KMT2D: variants seen among roughly 807,000 people sequenced by gnomAD.
The protein encoded by KMT2D is histone-lysine N-methyltransferase 2D.
In KMT2D, 55 loss-of-function variants were observed where a neutral mutation model predicts 512.7. The observed-to-expected ratio is 0.11, with a 90% confidence interval of 0.09 to 0.13. The LOEUF is 0.13. Among genes scored for constraint, KMT2D ranks in the 10% least tolerant of loss-of-function variants. The probability of loss-of-function intolerance (pLI) is 1.00; values close to 1 mark genes in which losing one functional copy is unlikely to be tolerated. For missense variants in KMT2D, 6,061 were observed against 7,127.9 expected, an observed-to-expected ratio of 0.85 and a Z score of 5.39; for synonymous variants, 2,995 against 2,904.0, an observed-to-expected ratio of 1.03 and a Z score of -1.01.
chr12:49,046,905 G>A lies in KMT2D; in HGVS notation c.4237-115C>T. The A allele has an allele frequency of 1.1e-6, 1 of 912,026 alleles. No individual in the cohort carries two copies. The highest frequency in any genetic ancestry group is 2.7e-5 in the East Asian group (1 of 37,044). The allele number at this position is 912,026 out of a possible 1,614,324, so 56.5% of individuals were successfully genotyped here. ...TTGTTCCCCAGGCTGGAGTGCAATG[G>A]CGCGATCTCGGCTCACTGCAACCTC... On this transcript the variant is annotated intron_variant, in intron 15 of 54. Coordinates refer to ENST00000301067, the MANE Select transcript of KMT2D (RefSeq NM_003482.4). This position sits in a 1 kb window ranked among gnomAD's most constrained non-coding sequence, Gnocchi z 4.2.
In KMT2D at chr12:49,056,606, G is replaced by T. The variant is rs573879658; in HGVS notation, c.-37-1245C>A. ...GTATACAGTGTTCCTAGAGAAAGTG[G>T]TGGTGAGGTGGGGGAAATCCCTAAA... On this transcript the variant is annotated intron_variant, in intron 1 of 54. Coordinates refer to ENST00000301067, the MANE Select transcript of KMT2D (RefSeq NM_003482.4). Among the ~76,000 whole-genome samples, 8 of 152,306 alleles carry T rather than the reference G, an allele frequency of 5.3e-5. No homozygotes were observed. The South Asian group carries it at 1.7e-3, about 32-fold the overall frequency.
chr12:49,040,372 C>G lies in KMT2D; in HGVS notation c.7398G>C (p.Leu2466Phe), dbSNP rs2120528034. The change falls in exon 32 of 55, where the codon TTG becomes TTC. Residue 2466 changes from leucine to phenylalanine, a missense_variant. Around this residue, in one of 16 missense-constraint regions of KMT2D, gnomAD observed 710 missense variants for 647.3 expected, o/e 1.10. Coordinates refer to ENST00000301067, the MANE Select transcript of KMT2D (RefSeq NM_003482.4). ...RPQSRDPFAP[L>F]HKPPRPQPPE... is the part of the protein sequence containing the mutation. The stretch of plus-strand genomic sequence containing the variant: ...GGGGCTGGGGTCGGGGTGGCTTATG[C>G]AATGGGGCAAATGGGTCACGGGACT... The G allele has an allele frequency of 6.4e-7, 1 of 1,565,494 alleles. No individual in the cohort carries two copies. Among genetic ancestry groups the G allele is most frequent in the South Asian group, 1.2e-5 (1 of 83,226 alleles).
In KMT2D at chr12:49,054,960, C is replaced by T; in HGVS notation, c.116G>A (p.Gly39Glu). The part of the protein sequence containing the change: ...TESDLPNPHV[G>E]EVSVLSSGSP... ...CCCAGAACTAAGGACAGAGACCTCT[C>T]CCACATGTGGGTTGGGCAGGTCTGA... Residue 39 changes from glycine to glutamate, a missense_variant, in exon 3 of 55, where the codon GGA becomes GAA. By Grantham distance (98) the Gly-to-Glu change is moderately conservative (BLOSUM62 -2). Transcript: ENST00000301067. The surrounding 1 kb of genome is among the most constrained non-coding windows in gnomAD (Gnocchi z 6.4). 6.2e-7 allele frequency: 1 copy of T among 1,614,036 alleles called. No homozygotes were observed. The highest frequency in any genetic ancestry group is 2.2e-5 in the East Asian group (1 of 44,882).
In KMT2D at chr12:49,040,255, C is replaced by T. The variant is rs755406867; in HGVS notation, c.7515G>A (p.Glu2505=). Reference sequence around the variant, plus strand: ...GCCCACTTGGGACCTTGGCATGGAGCTCACCTGCTGGCCCCGCGGGCAGGG... The same window carrying T: ...GCCCACTTGGGACCTTGGCATGGAGTTCACCTGCTGGCCCCGCGGGCAGGG... ...PAALPAGPAG[E]LHAKVPSGQP... The change falls in exon 32 of 55, where the codon GAG becomes GAA. Residue 2505 remains glutamate (E), a synonymous_variant. Transcript: ENST00000301067. The T allele has an allele frequency of 1.1e-5, 18 of 1,612,342 alleles. No individual in the cohort carries two copies. In the African/African-American group the frequency reaches 2.4e-4, roughly 22 times the overall value.
At position 49,041,785 on chromosome 12, in the gene KMT2D, C is replaced by G; in HGVS notation, c.6184-80G>C. 1.9e-6 allele frequency: 3 copies of G among 1,540,214 alleles called. No homozygotes were observed. The highest frequency in any genetic ancestry group is 2.6e-6 in the Non-Finnish European group (3 of 1,132,698). Reference sequence around the variant, plus strand: ...CCCATACTGTAGTGTTTTCACACTCCCTACCCAGAAGCAGATCCCTTCTGG... The same window carrying G: ...CCCATACTGTAGTGTTTTCACACTCGCTACCCAGAAGCAGATCCCTTCTGG... On this transcript the variant is annotated intron_variant, in intron 30 of 54. Coordinates refer to ENST00000301067, the MANE Select transcript of KMT2D (RefSeq NM_003482.4). The surrounding 1 kb of genome is among the most constrained non-coding windows in gnomAD (Gnocchi z 5.4).
rs778901266 is a variant in KMT2D at position 49,041,420 on chromosome 12, G to T, written c.6350C>A (p.Pro2117His). Residue 2117 changes from proline to histidine, a missense_variant, in exon 32 of 55, where the codon CCC (proline) becomes CAC (histidine). Transcript: ENST00000301067. This position sits in a 1 kb window ranked among gnomAD's most constrained non-coding sequence, Gnocchi z 5.4. ...PPQPGALGSP[P>H]PAAAPTIFIG... ...GAAAATGGTGGGGGCAGCAGCGGGG[G>T]GCGGGCTGCCCAGTGCCCCTGGCTG... 1.9e-6 allele frequency: 3 copies of T among 1,606,076 alleles called. No homozygotes were observed. The highest frequency in any genetic ancestry group is 1.7e-5 in the Admixed American group (1 of 59,894).
At chr12:49,045,801 T>C (rs1395730922) in intron 19 of KMT2D, 119 bp downstream of exon 19, 1 of 923,536 alleles carries the variant, frequency 1.1e-6, no homozygotes. Flanking sequence ...GCCACTTAAC[T>C]TCTCTGGGTC....
chr12:49,041,421 G>A lies in KMT2D; in HGVS notation c.6349C>T (p.Pro2117Ser), dbSNP rs758476128. The A allele has an allele frequency of 8.1e-6, 13 of 1,605,858 alleles. No homozygotes were observed. The highest frequency in any genetic ancestry group is 2.2e-5 in the East Asian group (1 of 44,850). Residue 2117 changes from proline to serine, a missense_variant, in exon 32 of 55, where the codon CCC (proline) becomes TCC (serine). Around this residue, in one of 16 missense-constraint regions of KMT2D, gnomAD observed 710 missense variants for 647.3 expected, o/e 1.10. Coordinates refer to ENST00000301067, the MANE Select transcript of KMT2D (RefSeq NM_003482.4). The surrounding 1 kb of genome is among the most constrained non-coding windows in gnomAD (Gnocchi z 5.4). Reference sequence around the variant, plus strand: ...AAAATGGTGGGGGCAGCAGCGGGGGGCGGGCTGCCCAGTGCCCCTGGCTGC... The same window carrying A: ...AAAATGGTGGGGGCAGCAGCGGGGGACGGGCTGCCCAGTGCCCCTGGCTGC... ...PPQPGALGSP[P>S]PAAAPTIFIG...
rs1943816858 is a variant in KMT2D, at chr12:49,046,932, G to C, written c.4237-142C>G. The C allele has an allele frequency of 1.5e-6, 1 of 683,516 alleles. No individual in the cohort carries two copies. The highest frequency in any genetic ancestry group is 1.8e-5 in the African/African-American group (1 of 55,152). 42.3% of individuals were successfully genotyped at this position (683,516 alleles called of 1,614,324 possible). On this transcript the variant is annotated intron_variant, in intron 15 of 54. Coordinates refer to ENST00000301067, the MANE Select transcript of KMT2D (RefSeq NM_003482.4). The surrounding 1 kb of genome is among the most constrained non-coding windows in gnomAD (Gnocchi z 4.2). Reference sequence around the variant, plus strand: ...GCGATCTCGGCTCACTGCAACCTCTGCCTCTCAGGTACAAGTGATTCTCTT... The same window carrying C: ...GCGATCTCGGCTCACTGCAACCTCTCCCTCTCAGGTACAAGTGATTCTCTT...
chr12:49,058,855 G>A (rs1032276744), intron 1 of KMT2D, among the ~76,000 whole-genome samples: 4 of 152,130 alleles, frequency 2.6e-5, no homozygotes, highest in African/African-American at 9.7e-5. Flanking sequence ...TACATTCGCA[G>A]GGAGCAAATC....
rs1250122297 is a variant in KMT2D at position 49,053,467 on chromosome 12, C to T, written c.839+9G>A. On this transcript the variant is annotated intron_variant, in intron 7 of 54. Coordinates refer to ENST00000301067, the MANE Select transcript of KMT2D (RefSeq NM_003482.4). ...GCCTAAGACTTTCCTCCTGCCCTTC[C>T]ATTCCTACCTGCAGGCTTGGCACAC... 6.2e-7 allele frequency: 1 copy of T among 1,611,186 alleles called. No individual in the cohort carries two copies. Among genetic ancestry groups the T allele is most frequent in the Non-Finnish European group, 8.5e-7 (1 of 1,178,250 alleles).
In KMT2D at chr12:49,022,221, A is replaced by G. The variant is rs1482513583; in HGVS notation, c.16412+59T>C. 5 of 1,600,376 alleles carry G rather than the reference A, an allele frequency of 3.1e-6. No homozygotes were observed. The highest frequency in any genetic ancestry group is 1.7e-5 in the Admixed American group (1 of 59,928). On this transcript the variant is annotated intron_variant, in intron 53 of 54. Coordinates refer to ENST00000301067, the MANE Select transcript of KMT2D (RefSeq NM_003482.4). This position sits in a 1 kb window ranked among gnomAD's most constrained non-coding sequence, Gnocchi z 8.6. ...GACAATTTTGATTCCTTGTTCGTCT[A>G]TCCCCCAGAGTGCCACTCTCAGGGA...
rs1942501840 is a variant in KMT2D at position 49,024,954 on chromosome 12, G to A, written c.15785-8C>T. The stretch of plus-strand genomic sequence containing the variant: ...TGATGCGATTCCACACGGCTAAGAA[G>A]CAGGGAAGAGAGCAGTCCTCAGAGG... On this transcript the variant is annotated splice_region_variant and splice_polypyrimidine_tract_variant and intron_variant, in intron 49 of 54. Coordinates refer to ENST00000301067, the MANE Select transcript of KMT2D (RefSeq NM_003482.4). The surrounding 1 kb of genome is among the most constrained non-coding windows in gnomAD (Gnocchi z 4.5). 25 of 1,585,762 alleles carry A rather than the reference G, an allele frequency of 1.6e-5. No individual in the cohort carries two copies. The highest frequency in any genetic ancestry group is 2.1e-5 in the Non-Finnish European group (24 of 1,165,902).
Position 49,055,270 on chromosome 12 carries a change from A to G in KMT2D, c.49+6T>C. 6.2e-7 allele frequency: 1 copy of G among 1,613,916 alleles called. No homozygotes were observed. On this transcript the variant is annotated splice_donor_region_variant and intron_variant, in intron 2 of 54. Coordinates refer to ENST00000301067, the MANE Select transcript of KMT2D (RefSeq NM_003482.4). ...TAAAAGCAAACAAACAATTTGTCCT[A>G]CTCACCTGCCGGTTCTGAATCTTTA...
rs758168773 is a variant in KMT2D at position 49,046,135 on chromosome 12, G to A, written c.4623C>T (p.Asp1541=). The A allele has an allele frequency of 3.7e-6, 6 of 1,610,714 alleles. No homozygotes were observed. Among genetic ancestry groups the A allele is most frequent in the East Asian group, 2.2e-5 (1 of 44,786 alleles). The change falls in exon 18 of 55, where the codon GAC becomes GAT. Residue 1541 remains aspartate, a synonymous_variant. Transcript: ENST00000301067. The surrounding 1 kb of genome is among the most constrained non-coding windows in gnomAD (Gnocchi z 4.2). ...CTTCATCGGCTGCCTGCTCCACATC[G>A]TCCTCTGTGAAGAGGCTCTCACAGC... ...HAGCESLFTE[D]DVEQAADEGF... is the part of the protein sequence containing the mutation.
At position 49,027,936 on chromosome 12, in the gene KMT2D, G is replaced by A. The variant is rs760824716; in HGVS notation, c.14516-6C>T. On this transcript the variant is annotated splice_region_variant and splice_polypyrimidine_tract_variant and intron_variant, in intron 47 of 54. Coordinates refer to ENST00000301067, the MANE Select transcript of KMT2D (RefSeq NM_003482.4). ...CAGACCCTTTTCCTTCCCACCTGCA[G>A]AAAGGAGTGGATCAGAGCCTCCCAC... The A allele has an allele frequency of 4.3e-6, 7 of 1,613,992 alleles. No homozygotes were observed. Among genetic ancestry groups the A allele is most frequent in the Non-Finnish European group, 5.9e-6 (7 of 1,179,878 alleles).
Position 49,054,497 on chromosome 12 carries a change from T to C in KMT2D, c.400+31A>G. The C allele has an allele frequency of 6.3e-7, 1 of 1,590,318 alleles. No individual in the cohort carries two copies. Among genetic ancestry groups the C allele is most frequent in the Non-Finnish European group, 8.6e-7 (1 of 1,166,896 alleles). ...CTGGCTCAGGACTACCCAGCCCTTATCCCATTTCCTGCCCCATTCTCCTCA... is the reference window on the plus strand; with the variant it reads ...CTGGCTCAGGACTACCCAGCCCTTACCCCATTTCCTGCCCCATTCTCCTCA... On this transcript the variant is annotated intron_variant, in intron 4 of 54. Transcript: ENST00000301067. The surrounding 1 kb of genome is among the most constrained non-coding windows in gnomAD (Gnocchi z 6.4).
chr12:49,044,301 A>G lies in KMT2D; in HGVS notation c.5087T>C (p.Ile1696Thr), dbSNP rs2120581088. 1 of 1,613,758 alleles carries G rather than the reference A, an allele frequency of 6.2e-7. No homozygotes were observed. Residue 1696 changes from isoleucine to threonine, a missense_variant, in exon 22 of 55, where the codon ATT (isoleucine) becomes ACT (threonine). By Grantham distance (89) the Ile-to-Thr change is moderately conservative. Around this residue, in one of 16 missense-constraint regions of KMT2D, gnomAD observed 640 missense variants for 814.3 expected, o/e 0.79. Coordinates refer to ENST00000301067, the MANE Select transcript of KMT2D (RefSeq NM_003482.4). This position sits in a 1 kb window ranked among gnomAD's most constrained non-coding sequence, Gnocchi z 6.4. The stretch of plus-strand genomic sequence containing the variant: ...CCGCTGTCGCACCATGAAACCACCA[A>G]TGCCTATGAGGAGGCAGAGTTGTGG... ...KRKRKPYRPGIGGFMVRQRKS... is the reference protein window; with the variant it reads ...KRKRKPYRPGTGGFMVRQRKS...
chr12:49,027,131 G>A lies in KMT2D; in HGVS notation c.14835C>T (p.Pro4945=), dbSNP rs761403481. The A allele has an allele frequency of 9.5e-6, 15 of 1,581,728 alleles. No individual in the cohort carries two copies. Among genetic ancestry groups the A allele is most frequent in the Middle Eastern group, 3.4e-4 (2 of 5,884 alleles). ...AGGCCAGTGGCAGAGGTGAGGGGACGGGTGGCTCAGCCAAGGGTTCGGTGG... is the reference window on the plus strand; with the variant it reads ...AGGCCAGTGGCAGAGGTGAGGGGACAGGTGGCTCAGCCAAGGGTTCGGTGG... ...ELPTEPLAEP[P]VPSPLPLASS... is the part of the protein sequence containing the mutation. The change falls in exon 49 of 55, where the codon CCC becomes CCT. Residue 4945 remains proline, a synonymous_variant. Transcript: ENST00000301067.
Sources: allele counts gnomAD v4.1 joint callset (sites outside exome capture counted in the v4.1 genomes callset), GRCh38; gene constraint gnomAD v4.1.1; regional missense constraint gnomAD v4.1.1; non-coding constraint Gnocchi (gnomAD v3.1); transcripts MANE v1.5; gene names NCBI Gene and HGNC (gene_info 2026-07-23, HGNC 2026-07-21).